The following GABRA1 variants were observed in gnomAD, a reference collection of about 807,000 sequenced individuals.
GABRA1 encodes gamma-aminobutyric acid type A receptor subunit alpha1.
A neutral mutation model predicts 48.9 loss-of-function variants in GABRA1; 9 were observed. The observed-to-expected ratio is 0.18, with a 90% CI of 0.11 to 0.32. The LOEUF (loss-of-function observed/expected upper bound fraction) is 0.32. Ranked by LOEUF, GABRA1 falls within the 10% of genes least tolerant of loss-of-function variation. GABRA1 has a pLI of 1.00. For synonymous variants in GABRA1, 210 were observed against 198.7 expected (o/e 1.06, Z -0.48); for missense variants, 285 against 553.8 (o/e 0.51, Z 4.87).
intron 3 of GABRA1, among the ~76,000 whole-genome samples, chr5:161,855,852 C>T (rs1561565887): frequency 6.6e-6 from 1 of 151,260 alleles, no homozygotes; most frequent in Non-Finnish European, 1.5e-5. Flanking sequence ...AATTTTACAA[C>T]ATATTTAAAA....
At chr5:161,868,043 A>G (rs188660879) in intron 4 of GABRA1, among the ~76,000 whole-genome samples, 1 of 148,542 alleles carries the variant, frequency 6.7e-6, no homozygotes, top group African/African-American at 2.5e-5. Flanking sequence ...GGAGCCTATA[A>G]TATTAAAAAA....
At chr5:161,893,367 AAATAC>A (rs1420003564) in intron 8 of GABRA1, among the ~76,000 whole-genome samples, 23 of 152,302 alleles carry the variant, frequency 1.5e-4, no homozygotes, top group African/African-American at 5.3e-4. Flanking sequence ...CTAGAATCAC[AAATAC>A]AATTTTCTAG....
chr5:161,894,047 T>C (rs567852912), intron 8 of GABRA1, among the ~76,000 whole-genome samples: 1 of 152,148 alleles, frequency 6.6e-6, no homozygotes, highest in Non-Finnish European at 1.5e-5. Context: ...AAGATTTTTT[T>C]AAAAAAATTG....
chr5:161,866,485 A>G (rs1257015498), intron 4 of GABRA1, among the ~76,000 whole-genome samples: 1 of 152,112 alleles, frequency 6.6e-6, no homozygotes, highest in Non-Finnish European at 1.5e-5. Context: ...TAAAGTGGTC[A>G]TGGAAACATA....
chr5:161,879,947 A>G (rs1252562025), intron 6 of GABRA1, among the ~76,000 whole-genome samples: 1 of 152,230 alleles, frequency 6.6e-6, no homozygotes, highest in Non-Finnish European at 1.5e-5. Context: ...CAGCAGTGCA[A>G]TATAAAAGCA....
At chr5:161,864,170 G>T (rs1255754671) in intron 3 of GABRA1, among the ~76,000 whole-genome samples, 1 of 151,900 alleles carries the variant, frequency 6.6e-6, no homozygotes, top group East Asian at 1.9e-4. Flanking sequence ...ACATCAAGGG[G>T]CTCATTTAAG....
chr5:161,870,721 T>C (rs1006294989), intron 4 of GABRA1, among the ~76,000 whole-genome samples: 1 of 152,192 alleles, frequency 6.6e-6, no homozygotes, highest in Non-Finnish European at 1.5e-5. Context: ...CTTGGTCTAA[T>C]GAACTGTGCC....
At chr5:161,872,420 T>A (rs1186308207) in intron 4 of GABRA1, 7 of 152,774 alleles carry the variant, frequency 4.6e-5, no homozygotes, top group Non-Finnish European at 8.8e-5. Context: ...TATACACATG[T>A]ACAATCACAA....
chr5:161,856,391 G>C (rs1041728816), intron 3 of GABRA1, among the ~76,000 whole-genome samples: 1 of 151,332 alleles, frequency 6.6e-6, no homozygotes, highest in Non-Finnish European at 1.5e-5. Flanking sequence ...GTATAGACAA[G>C]CTATCTTCCT....
intron 1 of GABRA1, 88 bp downstream of exon 1, chr5:161,848,510 G>GGGGC (rs1757299448): frequency 1.1e-5 from 1 of 92,664 alleles, no homozygotes; most frequent in African/African-American, 5.0e-5. Flanking sequence ...ATAGTCGGGG[G>GGGGC]GGGGGGGCGG....
At position 161,850,894 on chromosome 5, in the gene GABRA1, C is replaced by G. The variant is rs557887445; in HGVS notation, c.74+10C>G. On this transcript the variant is annotated intron_variant, in intron 2 of 9. Coordinates refer to ENST00000393943, the MANE Select transcript of GABRA1 (RefSeq NM_001127644.2). ...CACTGACTGGAAGAAGGTGGGGACA[C>G]TTTTTTAAAAATCTGCATGAAAATT... The G allele has an allele frequency of 4.3e-6, 7 of 1,610,212 alleles. No individual in the cohort carries two copies. Among genetic ancestry groups the G allele is most frequent in the African/African-American group, 1.3e-5 (1 of 74,912 alleles).
Position 161,897,137 on chromosome 5 carries a change from T to C in GABRA1, c.1086T>C (p.Ile362=), listed in dbSNP as rs187648029. 3.2e-5 allele frequency: 51 copies of C among 1,614,032 alleles called. No homozygotes were observed. In the African/African-American group the frequency reaches 5.7e-4, roughly 18 times the overall value. ...CAAAGAAAGTAAAGGATCCTCTTAT[T>C]AAGAAAAACAACACTTACGCTCCAA... ...EKPKKVKDPL[I]KKNNTYAPTA... is the part of the protein sequence containing the mutation. Residue 362 remains isoleucine, a synonymous_variant, in exon 10 of 10, where the codon ATT becomes ATC. Coordinates refer to ENST00000393943, the MANE Select transcript of GABRA1 (RefSeq NM_001127644.2).
chr5:161,866,893 G>A (rs893323016), intron 4 of GABRA1, among the ~76,000 whole-genome samples: 1 of 152,226 alleles, frequency 6.6e-6, no homozygotes, highest in South Asian at 2.1e-4. Flanking sequence ...AGGTAACAGA[G>A]TGGTAACTAA....
At chr5:161,847,705 C>T (rs531309432), upstream of GABRA1, 165 of 152,252 alleles carry the variant, frequency 1.1e-3, no homozygotes, top group African/African-American at 3.7e-3. Flanking sequence ...GAGTGCTCTC[C>T]CCACACGTGT....
chr5:161,877,608 A>C (rs1754417215), intron 6 of GABRA1, among the ~76,000 whole-genome samples: 1 of 152,236 alleles, frequency 6.6e-6, no homozygotes, highest in Non-Finnish European at 1.5e-5. Context: ...GTGGAAATCT[A>C]CTTACATCTC....
chr5:161,863,657 A>T (rs1439848867), intron 3 of GABRA1, among the ~76,000 whole-genome samples: 2 of 152,098 alleles, frequency 1.3e-5, no homozygotes, highest in South Asian at 4.1e-4. Flanking sequence ...TATCCAAACC[A>T]TATGAGTGGA....
intron 8 of GABRA1, among the ~76,000 whole-genome samples, chr5:161,894,630 A>G (rs560493810): frequency 6.6e-6 from 1 of 152,296 alleles, no homozygotes; most frequent in South Asian, 2.1e-4. Context: ...ATGTAGCCTG[A>G]TCCACCCTGA....
intron 8 of GABRA1, among the ~76,000 whole-genome samples, chr5:161,895,411 T>C (rs976241295): frequency 6.6e-6 from 1 of 152,192 alleles, no homozygotes; most frequent in Non-Finnish European, 1.5e-5. Context: ...AGGAGCTTAC[T>C]ATCTTCTGAA....
At chr5:161,850,452 G>A (rs1581174481) in intron 1 of GABRA1, 2 of 459,516 alleles carry the variant, frequency 4.4e-6, no homozygotes, top group Non-Finnish European at 7.6e-6. Flanking sequence ...ATATTTAGAT[G>A]ATAAACAACA....
Sources: allele counts gnomAD v4.1 joint callset (sites outside exome capture counted in the v4.1 genomes callset), GRCh38; gene constraint gnomAD v4.1.1; transcripts MANE v1.5; gene names NCBI Gene and HGNC (gene_info 2026-07-23, HGNC 2026-07-21).